Variants in FARP2 observed in about 807,000 individuals in gnomAD.
The protein encoded by FARP2 is FERM, ARH/RhoGEF and pleckstrin domain protein 2.
Under a neutral mutation model 130.5 loss-of-function variants are expected in FARP2, and 111 were observed. That is an observed-to-expected ratio of 0.85 (90% confidence interval 0.73 to 1.00). The LOEUF (loss-of-function observed/expected upper bound fraction) is 1.00. FARP2 is among the 50% of genes least tolerant of loss of function. FARP2 has a pLI of 0.00. For synonymous variants in FARP2, 504 were observed against 516.9 expected, an observed-to-expected ratio of 0.98 and a Z score of 0.34; for missense variants, 1,385 against 1,346.3, an observed-to-expected ratio of 1.03 and a Z score of -0.45.
chr2:241,434,882 ATCTTT>A (rs1157267557), intron 10 of FARP2, 75 bp from the exon 11 acceptor site: 4 of 870,656 alleles, frequency 4.6e-6, no homozygotes, highest in East Asian at 2.5e-5. Flanking sequence ...GGATGGGTAA[ATCTTT>A]TCTTTTGTCT....
chr2:241,393,746 C>A (rs1259253161), intron 2 of FARP2, among the ~76,000 whole-genome samples: 1 of 152,172 alleles, frequency 6.6e-6, no homozygotes, highest in African/African-American at 2.4e-5. Flanking sequence ...ACTTTGTTAG[C>A]CAGGCCTTTG....
chr2:241,463,408 A>G lies in FARP2; in HGVS notation c.1751A>G (p.Asp584Gly), dbSNP rs752872731. The G allele has an allele frequency of 5.6e-6, 9 of 1,614,058 alleles. No homozygotes were observed. Among genetic ancestry groups the G allele is most frequent in the Middle Eastern group, 1.6e-4 (1 of 6,062 alleles). Residue 584 changes from aspartate to glycine, a missense_variant, in exon 16 of 27, where the codon GAT (aspartate) becomes GGT (glycine). Physicochemically the swap from Asp to Gly is moderately conservative, Grantham distance 94. Transcript: ENST00000264042. ...TLMTLLFSNI[D>G]PIYEFHRGFL... is the part of the protein sequence containing the mutation. ...ATGACGCTGCTCTTCTCCAACATCG[A>G]TCCCATCTATGAGTTCCACAGAGGC...
intron 10 of FARP2, among the ~76,000 whole-genome samples, chr2:241,434,585 C>G (rs942293385): frequency 6.6e-6 from 1 of 152,224 alleles, no homozygotes. Context: ...AGCCCGGTGG[C>G]TCACACCTGT....
chr2:241,482,268 G>A lies in FARP2; in HGVS notation c.2263-1197G>A, dbSNP rs537685008. ...GGTGCTGAGCCTCACAGCTGGCAGC[G>A]GGGCCAGTGCATGGTGGAGAAGGCG... On this transcript the variant is annotated intron_variant, in intron 19 of 26. Transcript: ENST00000264042. The surrounding 1 kb of genome is among the most constrained non-coding windows in gnomAD (Gnocchi z 4.6). Among the ~76,000 whole-genome samples, 17 of 152,338 alleles carry A rather than the reference G, an allele frequency of 1.1e-4. No homozygotes were observed. The highest frequency in any genetic ancestry group is 2.1e-4 in the South Asian group (1 of 4,826).
At chr2:241,422,242 C>T (rs964887941) in intron 8 of FARP2, among the ~76,000 whole-genome samples, 9 of 147,956 alleles carry the variant, frequency 6.1e-5, no homozygotes, top group Admixed American at 2.0e-4. Context: ...TGGTGAAACC[C>T]CATCTCTACT....
intron 8 of FARP2, among the ~76,000 whole-genome samples, chr2:241,427,004 G>T (rs1400152096): frequency 1.3e-5 from 2 of 152,204 alleles, no homozygotes; most frequent in African/African-American, 4.8e-5. Flanking sequence ...GGAGGCCAAG[G>T]CTGGTAGATC....
Position 241,418,100 on chromosome 2 carries a change from C to A in FARP2, c.762C>A (p.Leu254=). 2 of 1,614,106 alleles carry A rather than the reference C, an allele frequency of 1.2e-6. No individual in the cohort carries two copies. The highest frequency in any genetic ancestry group is 2.7e-5 in the African/African-American group (2 of 75,010). The change falls in exon 8 of 27, where the codon CTC becomes CTA. Residue 254 remains leucine (L), a synonymous_variant. Transcript: ENST00000264042. ...TGGCAGTTTCCCACATGGGTGTACT[C>A]GTGTTCCAGGTAGGCCAGTGGGGAA... is the stretch of plus-strand genomic sequence containing the variant. The part of the protein sequence containing the change: ...IQLAVSHMGV[L]VFQGTTKINT...
chr2:241,376,621 G>C (rs2061541855), intron 2 of FARP2, among the ~76,000 whole-genome samples: 1 of 152,248 alleles, frequency 6.6e-6, no homozygotes, highest in Admixed American at 6.5e-5. Flanking sequence ...CTGGTTGCCT[G>C]ACCCGAGCCC....
In FARP2 at chr2:241,379,774, A is replaced by G. The variant is rs1396976369; in HGVS notation, c.183+6484A>G. On this transcript the variant is annotated intron_variant, in intron 2 of 26. Transcript: ENST00000264042. ...AGAAGAAAAAGTAACTCAGCTTCTGAAATTTGGGGATAATAGAGGTTTTAT... is the reference window on the plus strand; with the variant it reads ...AGAAGAAAAAGTAACTCAGCTTCTGGAATTTGGGGATAATAGAGGTTTTAT... Among the ~76,000 whole-genome samples, 3 of 152,316 alleles carry G rather than the reference A, an allele frequency of 2.0e-5. No homozygotes were observed. In the East Asian group the frequency reaches 5.8e-4, roughly 29 times the overall value.
At chr2:241,367,770 A>G (rs1156430208) in intron 1 of FARP2, among the ~76,000 whole-genome samples, 1 of 152,106 alleles carries the variant, frequency 6.6e-6, no homozygotes, top group Non-Finnish European at 1.5e-5. Context: ...TTTTGTCTAA[A>G]AAGCCATGTG....
chr2:241,363,668 G>A (rs1291654550), intron 1 of FARP2, among the ~76,000 whole-genome samples: 2 of 152,224 alleles, frequency 1.3e-5, no homozygotes. Flanking sequence ...AGTAGGGACC[G>A]CAGGACATTG....
At chr2:241,456,959 G>C in intron 14 of FARP2, 37 bp downstream of exon 14, 1 of 1,527,690 alleles carries the variant, frequency 6.5e-7, no homozygotes, top group Non-Finnish European at 8.8e-7. Flanking sequence ...GCAGAGGGTT[G>C]CAGGGTGGGC....
rs2062721006 is a variant in FARP2 at position 241,418,032 on chromosome 2, A to G, written c.694A>G (p.Arg232Gly). 6.2e-7 allele frequency: 1 copy of G among 1,614,238 alleles called. No individual in the cohort carries two copies. Reference sequence around the variant, plus strand: ...TCGAAAGTTGGAAATGTACGGCATCAGATTTCACATGGCTTCTGACAGGGA... The same window carrying G: ...TCGAAAGTTGGAAATGTACGGCATCGGATTTCACATGGCTTCTGACAGGGA... ...IARKLEMYGI[R>G]FHMASDREGT... The change falls in exon 8 of 27, where the codon AGA becomes GGA. Residue 232 changes from arginine to glycine, a missense_variant. Arg to Gly is a moderately radical substitution (Grantham distance 125). Transcript: ENST00000264042.
chr2:241,390,479 GTTTA>G (rs1166679024), intron 2 of FARP2, among the ~76,000 whole-genome samples: 2 of 152,118 alleles, frequency 1.3e-5, no homozygotes, highest in Non-Finnish European at 2.9e-5. Context: ...GAATGCATCT[GTTTA>G]TTTTTCCACA....
chr2:241,466,401 G>T, intron 17 of FARP2: 3 of 985,392 alleles, frequency 3.0e-6, no homozygotes, highest in Non-Finnish European at 3.6e-6. Context: ...TGGGTGCCAG[G>T]CCCGCTGTGG....
At chr2:241,423,590 G>C (rs1254812070) in intron 8 of FARP2, among the ~76,000 whole-genome samples, 1 of 152,190 alleles carries the variant, frequency 6.6e-6, no homozygotes, top group African/African-American at 2.4e-5. Flanking sequence ...CATGATGACA[G>C]GATGAAATTC....
chr2:241,380,033 G>A (rs1054803776), intron 2 of FARP2, among the ~76,000 whole-genome samples: 4 of 152,162 alleles, frequency 2.6e-5, no homozygotes, highest in African/African-American at 9.7e-5. Context: ...ACATACACAA[G>A]CAAGGTTGGT....
chr2:241,402,868 A>T (rs1265029006), intron 2 of FARP2, among the ~76,000 whole-genome samples: 2 of 12,874 alleles, frequency 1.6e-4, no homozygotes, highest in Non-Finnish European at 2.7e-4. Context: ...ATATATATAT[A>T]TATATATATA....
intron 2 of FARP2, among the ~76,000 whole-genome samples, chr2:241,381,304 C>T (rs553096621): frequency 1.4e-4 from 22 of 152,168 alleles, no homozygotes; most frequent in Admixed American, 8.5e-4. Context: ...AGCTGTACCC[C>T]GGCCTGCTGC....
Sources: gnomAD v4.1 joint callset for allele counts (sites outside exome capture counted in the v4.1 genomes callset) on GRCh38, gnomAD v4.1.1 for gene constraint, Gnocchi (gnomAD v3.1) non-coding constraint, MANE v1.5 for transcripts, NCBI Gene and HGNC (gene_info 2026-07-23, HGNC 2026-07-21) for gene names.